The following MYO1D variants were observed in gnomAD, a reference collection of about 807,000 sequenced individuals.
MYO1D encodes myosin ID.
A neutral mutation model predicts 122.0 loss-of-function variants in MYO1D; 83 were observed. That is an observed-to-expected ratio of 0.68 (90% CI 0.57 to 0.82). MYO1D has a LOEUF of 0.82. Ranked by LOEUF, MYO1D falls within the 40% of genes least tolerant of loss-of-function variation. The pLI is 0.00. For missense variants in MYO1D, 1,157 were observed against 1,269.5 expected, an observed-to-expected ratio of 0.91 and a Z score of 1.35; for synonymous variants, 464 against 446.9, an observed-to-expected ratio of 1.04 and a Z score of -0.48.
chr17:32,662,769 G>C (rs1212576908), intron 16 of MYO1D, among the ~76,000 whole-genome samples: 2 of 152,106 alleles, frequency 1.3e-5, no homozygotes, highest in African/African-American at 2.4e-5. Context: ...TGCTTACCTT[G>C]TAGTGTTATG....
intron 1 of MYO1D, among the ~76,000 whole-genome samples, chr17:32,835,110 A>T (rs2090809816): frequency 6.6e-6 from 1 of 151,754 alleles, no homozygotes. Context: ...GGTCCCAAAC[A>T]TACCTTGACA....
Position 32,494,655 on chromosome 17 carries a change from C to T in MYO1D, c.*104G>A. 7.5e-7 allele frequency: 1 copy of T among 1,331,814 alleles called. No individual in the cohort carries two copies. The allele number at this position is 1,331,814 out of a possible 1,614,324, so 82.5% of individuals were successfully genotyped here. On this transcript the variant is annotated 3_prime_UTR_variant, in exon 22 of 22. Coordinates refer to ENST00000318217, the MANE Select transcript of MYO1D (RefSeq NM_015194.3). ...AGGGGCGGGGCTCCTCTGGGAGGGG[C>T]CCTCGCAGCAGGTTTCTAGCGGGCA...
At position 32,778,567 on chromosome 17, in the gene MYO1D, CT is replaced by C; in HGVS notation, c.310del (p.Ser104ValfsTer31). 1 of 1,613,684 alleles carries C rather than the reference CT, an allele frequency of 6.2e-7. No homozygotes were observed. Among genetic ancestry groups the C allele is most frequent in the Non-Finnish European group, 8.5e-7 (1 of 1,179,624 alleles). On this transcript the variant is annotated frameshift_variant, in exon 3 of 22. Coordinates refer to ENST00000318217, the MANE Select transcript of MYO1D (RefSeq NM_015194.3). LOFTEE classifies it high-confidence loss of function. ...ACTGGCTTCCGTTTTACCAGCTCCA[CT>C]TTCCCCTGGGGGGAAAAATTGTTCA... ...KDTCIVISGESGAGKTEASKY... is the reference protein window; with the variant it reads ...KDTCIVISGEXGAGKTEASKY...
At chr17:32,809,457 G>A (rs888874640) in intron 1 of MYO1D, among the ~76,000 whole-genome samples, 1 of 116,602 alleles carries the variant, frequency 8.6e-6, no homozygotes, top group Non-Finnish European at 1.7e-5. Flanking sequence ...TTCTTTTTCT[G>A]AGACAGAGTC....
chr17:32,494,694 A>AGATACGGAGGCTGCT lies in MYO1D; in HGVS notation c.*64_*65insAGCAGCCTCCGTATC. Reference sequence around the variant, plus strand: ...TTCTAGCGGGCATGGGTTGGGAGGCAGCAGCTGGACTGGGACCCAGGACTC... The same window carrying AGATACGGAGGCTGCT: ...TTCTAGCGGGCATGGGTTGGGAGGCAGATACGGAGGCTGCTGCAGCTGGACTGGGACCCAGGACTC... On this transcript the variant is annotated 3_prime_UTR_variant, in exon 22 of 22. Coordinates refer to ENST00000318217, the MANE Select transcript of MYO1D (RefSeq NM_015194.3). 1 of 1,497,022 alleles carries AGATACGGAGGCTGCT rather than the reference A, an allele frequency of 6.7e-7. No individual in the cohort carries two copies. Among genetic ancestry groups the AGATACGGAGGCTGCT allele is most frequent in the South Asian group, 1.3e-5 (1 of 77,108 alleles). The allele number at this position is 1,497,022 out of a possible 1,614,324, so 92.7% of individuals were successfully genotyped here.
rs1429572193 is a variant in MYO1D, at chr17:32,632,873, C to A, written c.2709+5849G>T. Among the ~76,000 whole-genome samples, 4 of 152,102 alleles carry A rather than the reference C, an allele frequency of 2.6e-5. No homozygotes were observed. In the East Asian group the frequency reaches 7.7e-4, roughly 29 times the overall value. On this transcript the variant is annotated intron_variant, in intron 20 of 21. Transcript: ENST00000318217. Reference sequence around the variant, plus strand: ...TATCTAACAGACCAATAGAACAGAGCAGAGAATCCGGAAGAGGTGTATGGA... The same window carrying A: ...TATCTAACAGACCAATAGAACAGAGAAGAGAATCCGGAAGAGGTGTATGGA...
intron 1 of MYO1D, among the ~76,000 whole-genome samples, chr17:32,793,797 C>T (rs533131105): frequency 6.6e-6 from 1 of 152,284 alleles, no homozygotes; most frequent in African/African-American, 2.4e-5. Flanking sequence ...GCTCTATGAT[C>T]ACGTGGAAGC....
intron 16 of MYO1D, among the ~76,000 whole-genome samples, chr17:32,701,945 C>T (rs920136992): frequency 6.6e-6 from 1 of 152,158 alleles, no homozygotes; most frequent in East Asian, 1.9e-4. Flanking sequence ...CTATGTCAAC[C>T]AGTATCAATC....
At chr17:32,713,104 A>G (rs9915607) in intron 15 of MYO1D, among the ~76,000 whole-genome samples, 6,526 of 152,262 alleles carry the variant, frequency 0.043, 478 homozygotes, top group African/African-American at 0.15. Context: ...ATTTTAAGTC[A>G]TTGTATGAAA....
At chr17:32,772,070 A>G (rs1341280907) in intron 5 of MYO1D, among the ~76,000 whole-genome samples, 1 of 152,250 alleles carries the variant, frequency 6.6e-6, no homozygotes, top group Admixed American at 6.5e-5. Context: ...GTTACCTAGA[A>G]GAAACTGAAT....
rs34089644 is a variant in MYO1D at position 32,820,301 on chromosome 17, A to C, written c.96-39517T>G. Among the ~76,000 whole-genome samples, 708 of 152,348 alleles carry C rather than the reference A, an allele frequency of 4.6e-3. 4 individuals are homozygous for C. Among genetic ancestry groups the C allele is most frequent in the African/African-American group, 0.016 (670 of 41,586 alleles). Reference sequence around the variant, plus strand: ...AAAGGAAAGAAAATCACCATCTTGAAGACAGATCTTCACCCCATGTTCACT... The same window carrying C: ...AAAGGAAAGAAAATCACCATCTTGACGACAGATCTTCACCCCATGTTCACT... On this transcript the variant is annotated intron_variant, in intron 1 of 21. Transcript: ENST00000318217.
intron 21 of MYO1D, among the ~76,000 whole-genome samples, chr17:32,599,021 G>A (rs1456652318): frequency 6.6e-6 from 1 of 152,166 alleles, no homozygotes; most frequent in Non-Finnish European, 1.5e-5. Context: ...CTGATGGCGG[G>A]GGTGGCTGTG....
rs1469205163 is a variant in MYO1D at position 32,764,881 on chromosome 17, G to A, written c.1032C>T (p.Ala344=). ...QEASYGRDAF[A]KAIYERLFCW... ...ATAGGGTCAGTTACACTCTCACCTT[G>A]GCAAAGGCGTCTCTGCCGTAGCTGG... Residue 344 remains alanine, a synonymous_variant, in exon 8 of 22, where the codon GCC becomes GCT. Coordinates refer to ENST00000318217, the MANE Select transcript of MYO1D (RefSeq NM_015194.3). The A allele has an allele frequency of 6.2e-7, 1 of 1,613,946 alleles. No individual in the cohort carries two copies. The highest frequency in any genetic ancestry group is 1.7e-5 in the Admixed American group (1 of 60,026).
chr17:32,807,407 T>G (rs2090525470), intron 1 of MYO1D, among the ~76,000 whole-genome samples: 1 of 152,222 alleles, frequency 6.6e-6, no homozygotes, highest in Non-Finnish European at 1.5e-5. Flanking sequence ...AAATATACAC[T>G]GTATCTTACG....
chr17:32,656,931 A>T (rs148097663), intron 17 of MYO1D, among the ~76,000 whole-genome samples: 1 of 152,244 alleles, frequency 6.6e-6, no homozygotes, highest in Non-Finnish European at 1.5e-5. Context: ...CACTGCCCAC[A>T]GTGGCTCAGG....
At chr17:32,793,945 G>C (rs1261454541) in intron 1 of MYO1D, among the ~76,000 whole-genome samples, 1 of 152,194 alleles carries the variant, frequency 6.6e-6, no homozygotes, top group Non-Finnish European at 1.5e-5. Context: ...ATAATACCAA[G>C]TCGTATTTTT....
intron 1 of MYO1D, among the ~76,000 whole-genome samples, chr17:32,800,401 T>C (rs942862868): frequency 1.7e-4 from 26 of 152,320 alleles, no homozygotes; most frequent in African/African-American, 6.3e-4. Context: ...TTTGATAACA[T>C]GGATGAACCT....
At chr17:32,712,798 C>T (rs1453531322) in intron 15 of MYO1D, among the ~76,000 whole-genome samples, 1 of 152,212 alleles carries the variant, frequency 6.6e-6, no homozygotes, top group African/African-American at 2.4e-5. Context: ...CTCATTAAGG[C>T]AGCTCACCAC....
chr17:32,654,032 T>A, intron 18 of MYO1D, 85 bp from the exon 19 acceptor site: 1 of 1,020,426 alleles, frequency 9.8e-7, no homozygotes, highest in Non-Finnish European at 1.5e-6. Context: ...GCTTTATAAC[T>A]ACACTTATAT....
Sources: allele counts gnomAD v4.1 joint callset (sites outside exome capture counted in the v4.1 genomes callset), GRCh38; gene constraint gnomAD v4.1.1; transcripts MANE v1.5; gene names NCBI Gene and HGNC (gene_info 2026-07-23, HGNC 2026-07-21).